KCNMA1: variants seen among roughly 807,000 people sequenced by gnomAD.
The protein encoded by KCNMA1 is potassium calcium-activated channel subfamily M alpha 1, also known as Calcium-activated potassium channel subunit alpha-1.
In KCNMA1, 29 loss-of-function variants were observed where a neutral mutation model predicts 140.0. That is an observed-to-expected ratio of 0.21 (90% CI 0.15 to 0.28). The LOEUF (loss-of-function observed/expected upper bound fraction) is 0.28. Among genes scored for constraint, KCNMA1 ranks in the 10% least tolerant of loss-of-function variants. The pLI is 1.00. For missense variants in KCNMA1, 880 were observed against 1,602.2 expected, an observed-to-expected ratio of 0.55 and a Z score of 7.70; for synonymous variants, 612 against 611.9, an observed-to-expected ratio of 1.00 and a Z score of 0.00.
intron 1 of KCNMA1, among the ~76,000 whole-genome samples, chr10:77,567,598 T>C (rs1461157631): frequency 1.3e-5 from 2 of 152,170 alleles, no homozygotes; most frequent in East Asian, 3.8e-4. Flanking sequence ...TAAAGGGAAA[T>C]CCAGATCCTT....
At chr10:77,236,494 T>C (rs1252012842) in intron 3 of KCNMA1, among the ~76,000 whole-genome samples, 1 of 152,160 alleles carries the variant, frequency 6.6e-6, no homozygotes, top group Non-Finnish European at 1.5e-5. Context: ...ATCCAAATTC[T>C]ACCCATGCCT....
At chr10:77,005,984 G>A (rs1049732290) in intron 18 of KCNMA1, among the ~76,000 whole-genome samples, 1 of 152,180 alleles carries the variant, frequency 6.6e-6, no homozygotes, top group Non-Finnish European at 1.5e-5. Flanking sequence ...CTCAGTTACT[G>A]CTCTTTCCTT....
At chr10:77,457,140 C>G (rs1370468374) in intron 1 of KCNMA1, among the ~76,000 whole-genome samples, 1 of 152,158 alleles carries the variant, frequency 6.6e-6, no homozygotes, top group Non-Finnish European at 1.5e-5. Flanking sequence ...ATGACAGCCT[C>G]TCACTTAAAG....
At chr10:77,633,030 C>A (rs1219519494) in intron 1 of KCNMA1, among the ~76,000 whole-genome samples, 1 of 152,144 alleles carries the variant, frequency 6.6e-6, no homozygotes, top group African/African-American at 2.4e-5. Flanking sequence ...ATAAAGAGGG[C>A]CAGGGGCTGG....
At chr10:77,464,087 G>C (rs1716660056) in intron 1 of KCNMA1, among the ~76,000 whole-genome samples, 1 of 152,168 alleles carries the variant, frequency 6.6e-6, no homozygotes, top group South Asian at 2.1e-4. Flanking sequence ...AGTTTGAGAA[G>C]CACAAGATTA....
chr10:77,236,480 C>A (rs1180631171), intron 3 of KCNMA1, among the ~76,000 whole-genome samples: 2 of 152,286 alleles, frequency 1.3e-5, no homozygotes, highest in African/African-American at 4.8e-5. Context: ...CCCTCTTCTG[C>A]AGCATCCAAA....
intron 2 of KCNMA1, among the ~76,000 whole-genome samples, chr10:77,384,853 T>C (rs777172149): frequency 6.6e-6 from 1 of 152,234 alleles, no homozygotes; most frequent in Non-Finnish European, 1.5e-5. Flanking sequence ...TTCTTTCCTA[T>C]GCCCATTCAT....
At chr10:76,884,760 G>C (rs2036105595), downstream of KCNMA1, 2 of 540,130 alleles carry the variant, frequency 3.7e-6, no homozygotes, top group African/African-American at 2.0e-5. Flanking sequence ...GAAGAAGGAA[G>C]GAAGAGAAGA....
intron 2 of KCNMA1, among the ~76,000 whole-genome samples, chr10:77,393,478 C>T (rs2154446448): frequency 6.6e-6 from 1 of 152,318 alleles, no homozygotes; most frequent in Middle Eastern, 3.4e-3. Context: ...CATTAAGAGG[C>T]AGGGACTATT....
intron 3 of KCNMA1, among the ~76,000 whole-genome samples, chr10:77,202,230 G>C (rs574922046): frequency 1.3e-5 from 2 of 152,238 alleles, no homozygotes; most frequent in South Asian, 4.2e-4. Context: ...AAACCACAGT[G>C]ATACAAATCA....
intron 2 of KCNMA1, among the ~76,000 whole-genome samples, chr10:77,253,457 T>G (rs1297836582): frequency 2.0e-5 from 3 of 152,240 alleles, no homozygotes; most frequent in Non-Finnish European, 2.9e-5. Context: ...TTTCGCAGCA[T>G]CCAGATGGCC....
intron 12 of KCNMA1, among the ~76,000 whole-genome samples, chr10:77,080,661 G>A (rs985251193): frequency 6.6e-5 from 10 of 152,158 alleles, no homozygotes; most frequent in Non-Finnish European, 1.5e-4. Context: ...GTACTGGGGA[G>A]TAGGGGGCCT....
At chr10:77,454,268 C>G (rs185667984) in intron 1 of KCNMA1, among the ~76,000 whole-genome samples, 1 of 152,282 alleles carries the variant, frequency 6.6e-6, no homozygotes, top group Non-Finnish European at 1.5e-5. Context: ...AGGACCCAGC[C>G]ATAGAGCCCC....
At chr10:76,922,231 T>C (rs1297453520) in intron 23 of KCNMA1, among the ~76,000 whole-genome samples, 1 of 152,164 alleles carries the variant, frequency 6.6e-6, no homozygotes, top group African/African-American at 2.4e-5. Flanking sequence ...AATCAATTCC[T>C]CCATTCTTCA....
chr10:77,539,050 C>G (rs900212375), intron 1 of KCNMA1, among the ~76,000 whole-genome samples: 5 of 152,178 alleles, frequency 3.3e-5, no homozygotes, highest in Non-Finnish European at 7.3e-5. Context: ...CCAATACAGG[C>G]TGGTTGGTCC....
At chr10:77,272,126 T>C (rs919626282) in intron 2 of KCNMA1, among the ~76,000 whole-genome samples, 2 of 152,154 alleles carry the variant, frequency 1.3e-5, no homozygotes, top group African/African-American at 4.8e-5. Flanking sequence ...GGCTTATCAT[T>C]CCCTGAAATC....
chr10:77,304,489 T>A (rs2077218875), intron 2 of KCNMA1: 1 of 152,182 alleles, frequency 6.6e-6, no homozygotes, highest in Admixed American at 6.5e-5. Flanking sequence ...GAACGGGGAA[T>A]GATCGATGAC....
intron 2 of KCNMA1, among the ~76,000 whole-genome samples, chr10:77,354,127 C>T (rs911327749): frequency 5.3e-5 from 8 of 152,182 alleles, no homozygotes; most frequent in Admixed American, 1.3e-4. Flanking sequence ...GCTGGGACTA[C>T]AGATGCGTGC....
intron 2 of KCNMA1, among the ~76,000 whole-genome samples, chr10:77,258,640 C>T (rs2061331146): frequency 6.6e-6 from 1 of 152,144 alleles, no homozygotes. Flanking sequence ...ATGTTCTTGT[C>T]ATTCCTAAGT....
Sources: gnomAD v4.1 joint callset for allele counts (sites outside exome capture counted in the v4.1 genomes callset) on GRCh38, gnomAD v4.1.1 for gene constraint, MANE v1.5 for transcripts, NCBI Gene and HGNC (gene_info 2026-07-23, HGNC 2026-07-21) for gene names.